Variants in SHOX observed in about 807,000 individuals in gnomAD.
SHOX encodes SHOX homeobox, also known as short stature homeobox protein.
A neutral mutation model predicts 29.6 loss-of-function variants in SHOX; 12 were observed. The ratio of observed to expected loss-of-function variants is 0.41; its 90% CI spans 0.26 to 0.66. The LOEUF (loss-of-function observed/expected upper bound fraction) is 0.66, where lower values mean the gene tolerates loss of function less well. Ranked by LOEUF, SHOX falls within the 30% of genes least tolerant of loss-of-function variation. The probability of loss-of-function intolerance (pLI) is 0.35; values close to 1 mark genes in which losing one functional copy is unlikely to be tolerated. For synonymous variants in SHOX, 214 were observed against 200.6 expected (o/e 1.07, Z -0.57); for missense variants, 499 against 437.7 (o/e 1.14, Z -1.25).
Position 640,011 on chromosome X carries a change from T to TAAAACA in SHOX, c.487-800_487-795dup, listed in dbSNP as rs1290306091. On this transcript the variant is annotated intron_variant, in intron 2 of 4. Transcript: ENST00000686671. ...GCAAGACTCTGTCTCAAAAACAAAA[T>TAAAACA]AAAACAAAAACAAAACAAAAATCAA... Among the ~76,000 whole-genome samples, 3 of 138,252 alleles carry TAAAACA rather than the reference T, an allele frequency of 2.2e-5. No individual in the cohort carries two copies. In the Admixed American group the frequency reaches 2.2e-4, roughly 10 times the overall value. The allele number at this position is 138,252 out of a possible 152,430, so 90.7% of individuals were successfully genotyped here.
Position 631,076 on chromosome X carries a change from C to G in SHOX, c.179C>G (p.Thr60Arg). The change falls in exon 1 of 5, where the codon ACG becomes AGG. Residue 60 changes from threonine to arginine, a missense_variant. Transcript: ENST00000686671. The stretch of plus-strand genomic sequence containing the variant: ...TCGGATTCCAGCCTCCAGGACATCA[C>G]GGAGGGCGGCGGCCACTGCCCGGTG... ...GTSDSSLQDITEGGGHCPVHL... is the reference protein window; with the variant it reads ...GTSDSSLQDIREGGGHCPVHL... 2 of 1,613,710 alleles carry G rather than the reference C, an allele frequency of 1.2e-6. No individual in the cohort carries two copies. The highest frequency in any genetic ancestry group is 1.7e-6 in the Non-Finnish European group (2 of 1,179,858).
chrX:634,603 C>G lies in SHOX; in HGVS notation c.278-15C>G. ...CTCCCCGGCCTCAGCCCTGTGCCCT[C>G]CGCTCCCCACGCAGGGATTTATGAA... On this transcript the variant is annotated splice_polypyrimidine_tract_variant and intron_variant, in intron 1 of 4. Transcript: ENST00000686671. The G allele has an allele frequency of 6.2e-7, 1 of 1,612,738 alleles. No individual in the cohort carries two copies. The highest frequency in any genetic ancestry group is 8.5e-7 in the Non-Finnish European group (1 of 1,179,644).
At position 651,389 on chromosome X, in the gene SHOX, GA is replaced by G. The variant is rs757605467; in HGVS notation, c.*6761del. The G allele has an allele frequency of 1.1e-4, 47 of 431,350 alleles. No individual in the cohort carries two copies. Among genetic ancestry groups the G allele is most frequent in the African/African-American group, 8.5e-4 (39 of 45,716 alleles). 26.7% of individuals were successfully genotyped at this position (431,350 alleles called of 1,614,324 possible). A position where few individuals can be genotyped will look rare whatever the true frequency, so the allele number is the denominator to read the frequency against. Reference sequence around the variant, plus strand: ...TATTGTCGGCAGGCGGTGAGGGGTAGAAAAAAAACAAACAAACAAACAGAAA... The same window carrying G: ...TATTGTCGGCAGGCGGTGAGGGGTAGAAAAAAACAAACAAACAAACAGAAA... On this transcript the variant is annotated 3_prime_UTR_variant, in exon 5 of 5. Transcript: ENST00000686671.
At chrX:626,123 C>T (rs1182480878), upstream of SHOX, among the ~76,000 whole-genome samples, 1 of 59,034 alleles carries the variant, frequency 1.7e-5, no homozygotes, top group East Asian at 5.6e-4. Flanking sequence ...CTGTCTCTCT[C>T]TCTCCTCTCT....
chrX:627,164 T>A (rs560906491), upstream of SHOX, among the ~76,000 whole-genome samples: 37 of 152,318 alleles, frequency 2.4e-4, no homozygotes, highest in South Asian at 5.6e-3. Flanking sequence ...GTGCAGACCC[T>A]GCTTTCTGCC....
intron 1 of SHOX, among the ~76,000 whole-genome samples, chrX:625,615 C>G (rs2052512463): frequency 6.6e-6 from 1 of 150,770 alleles, no homozygotes; most frequent in African/African-American, 2.5e-5. Flanking sequence ...CTCTCTTTTT[C>G]TCTGTCTCTG....
chrX:649,284 C>A lies in SHOX; in HGVS notation c.*4648C>A, dbSNP rs2053017131. ...GAACTCCTGACCTCACATGATCCAC[C>A]CGCCTCAGCCTCCCAGAGTGCTGGG... is the stretch of plus-strand genomic sequence containing the variant. On this transcript the variant is annotated 3_prime_UTR_variant, in exon 5 of 5. Coordinates refer to ENST00000686671, the MANE Select transcript of SHOX (RefSeq NM_000451.4). Among the ~76,000 whole-genome samples the A allele has an allele frequency of 6.6e-6, 1 of 152,078 alleles. No homozygotes were observed. Among genetic ancestry groups the A allele is most frequent in the African/African-American group, 2.4e-5 (1 of 41,436 alleles).
In SHOX at chrX:651,106, A is replaced by T. The variant is rs1291378063; in HGVS notation, c.*6470A>T. The T allele has an allele frequency of 5.1e-5, 17 of 336,274 alleles. 1 individual carries two copies. Among genetic ancestry groups the T allele is most frequent in the South Asian group, 2.4e-4 (10 of 41,434 alleles). The allele number at this position is 336,274 out of a possible 1,614,324, so 20.8% of individuals were successfully genotyped here. A position where few individuals can be genotyped will look rare whatever the true frequency, so the allele number is the denominator to read the frequency against. ...TGTGATGTATGTGCATTTGTTATTT[A>T]TTTTTTTTTCCTTGGTCGGACGTTC... is the stretch of plus-strand genomic sequence containing the variant. On this transcript the variant is annotated 3_prime_UTR_variant, in exon 5 of 5. Transcript: ENST00000686671.
chrX:644,276 G>C, intron 4 of SHOX, 115 bp from the exon 5 acceptor site: 1 of 1,308,922 alleles, frequency 7.6e-7, no homozygotes. Flanking sequence ...GGCTGGAGAA[G>C]GGGCGACGCT....
upstream of SHOX, among the ~76,000 whole-genome samples, chrX:629,655 C>T (rs1225332359): frequency 2.6e-5 from 4 of 152,168 alleles, no homozygotes; most frequent in Non-Finnish European, 5.9e-5. Flanking sequence ...CCATCTCACA[C>T]AAGTTCACAG....
rs2052981072 is a variant in SHOX, at chrX:647,189, G to T, written c.*2553G>T. Reference sequence around the variant, plus strand: ...CCTCCCGGGTTCAAGCCATTCTCCTGCCTCAGCCTCCCGAGTAGCTGGGAT... The same window carrying T: ...CCTCCCGGGTTCAAGCCATTCTCCTTCCTCAGCCTCCCGAGTAGCTGGGAT... On this transcript the variant is annotated 3_prime_UTR_variant, in exon 5 of 5. Coordinates refer to ENST00000686671, the MANE Select transcript of SHOX (RefSeq NM_000451.4). 6.6e-6 allele frequency among the ~76,000 whole-genome samples: 1 copy of T among 152,224 alleles called. No homozygotes were observed. Among genetic ancestry groups the T allele is most frequent in the Non-Finnish European group, 1.5e-5 (1 of 68,046 alleles).
intron 4 of SHOX, among the ~76,000 whole-genome samples, chrX:644,136 AC>A (rs1432331815): frequency 1.3e-5 from 2 of 151,308 alleles, no homozygotes; most frequent in Admixed American, 6.6e-5. Flanking sequence ...CCATTTGTGG[AC>A]CCCCCTCCCA....
At chrX:656,842 CAAAAA>C (rs777955647) in intron 5 of SHOX, among the ~76,000 whole-genome samples, 2,571 of 49,376 alleles carry the variant, frequency 0.052, 424 homozygotes, top group Admixed American at 0.11. Flanking sequence ...GACTCCGTCT[CAAAAA>C]AAAAAAAAAA....
exon 6 of SHOX, chrX:659,239 C>A (rs1057124580): frequency 2.6e-5 from 4 of 152,282 alleles, no homozygotes; most frequent in African/African-American, 9.7e-5. Context: ...GCACCCACCA[C>A]CACACCCAGC....
upstream of SHOX, among the ~76,000 whole-genome samples, chrX:626,910 TCTGTGTCTCTAC>T: frequency 1.3e-5 from 2 of 151,668 alleles, 1 homozygote; most frequent in South Asian, 4.2e-4. Context: ...TCTGTCTCTC[TCTGTGTCTCTAC>T]CTGTGTCTCT....
Position 650,124 on chromosome X carries a change from C to G in SHOX, c.*5488C>G, listed in dbSNP as rs1430101990. 6 of 425,972 alleles carry G rather than the reference C, an allele frequency of 1.4e-5. No individual in the cohort carries two copies. Among genetic ancestry groups the G allele is most frequent in the Non-Finnish European group, 2.8e-5 (6 of 214,254 alleles). The allele number at this position is 425,972 out of a possible 1,614,324, so 26.4% of individuals were successfully genotyped here. A position where few individuals can be genotyped will look rare whatever the true frequency, so the allele number is the denominator to read the frequency against. ...TTTCACAGGCAGTGGTGACAGGGCC[C>G]CTTGGCTGTGGCTGTCTTCTCCAGC... On this transcript the variant is annotated 3_prime_UTR_variant, in exon 5 of 5. Coordinates refer to ENST00000686671, the MANE Select transcript of SHOX (RefSeq NM_000451.4).
chrX:654,725 G>C (rs771298068), downstream of SHOX, among the ~76,000 whole-genome samples: 1 of 152,150 alleles, frequency 6.6e-6, no homozygotes, highest in East Asian at 1.9e-4. Context: ...TCGCTCTGTT[G>C]CCAGGCTGGA....
chrX:652,125 G>A (rs192512016), downstream of SHOX, among the ~76,000 whole-genome samples: 2 of 151,872 alleles, frequency 1.3e-5, no homozygotes, highest in Admixed American at 6.6e-5. Flanking sequence ...GGGTTTCACC[G>A]TGTTGGTCAG....
In SHOX at chrX:634,741, G is replaced by T. The variant is rs1413572528; in HGVS notation, c.401G>T (p.Arg134Leu). ...CTGGAGCAGCTGAACGAGCTCGAGC[G>T]ACTCTTCGACGAGACCCATTACCCC... ...FTLEQLNELE[R>L]LFDETHYPDA... Residue 134 changes from arginine (R) to leucine (L), a missense_variant, in exon 2 of 5, where the codon CGA (arginine) becomes CTA (leucine). Arg to Leu is a moderately radical substitution (Grantham distance 102, BLOSUM62 -2). Transcript: ENST00000686671. 3.1e-6 allele frequency: 5 copies of T among 1,612,612 alleles called. No individual in the cohort carries two copies. The highest frequency in any genetic ancestry group is 4.2e-6 in the Non-Finnish European group (5 of 1,179,422).
Sources: gnomAD v4.1 joint callset for allele counts (sites outside exome capture counted in the v4.1 genomes callset) on GRCh38, gnomAD v4.1.1 for gene constraint, MANE v1.5 for transcripts, NCBI Gene and HGNC (gene_info 2026-07-23, HGNC 2026-07-21) for gene names.